PCID2: variants seen among roughly 807,000 people sequenced by gnomAD.
PCID2 encodes PCI domain containing 2.
PCID2 carries 41 observed loss-of-function variants against 61.3 expected under a neutral mutation model. The ratio of observed to expected loss-of-function variants is 0.67; its 90% CI spans 0.52 to 0.87. PCID2 has a LOEUF of 0.87. Ranked by LOEUF, PCID2 falls within the 40% of genes least tolerant of loss-of-function variation. PCID2 has a pLI of 0.00. For missense variants in PCID2, 392 were observed against 493.4 expected, an observed-to-expected ratio of 0.79 and a Z score of 1.95; for synonymous variants, 187 against 177.8, an observed-to-expected ratio of 1.05 and a Z score of -0.41.
chr13:113,192,734 A>G (rs574854683), intron 6 of PCID2, among the ~76,000 whole-genome samples: 1 of 152,308 alleles, frequency 6.6e-6, no homozygotes, highest in East Asian at 1.9e-4. Flanking sequence ...ACAGTGGTAT[A>G]TCAGCACTTG....
At chr13:113,185,807 T>C (rs1460942565) in intron 7 of PCID2, 2 of 386,552 alleles carry the variant, frequency 5.2e-6, no homozygotes, top group Non-Finnish European at 9.3e-6. Flanking sequence ...ACTACTTGAG[T>C]AACATCCTTC....
rs1205405711 is a variant in PCID2 at position 113,179,998 on chromosome 13, T to C, written c.905A>G (p.Glu302Gly). Reference protein sequence around the residue: ...LLLHEALAKHEAFFIRCGIFL... With the variant: ...LLLHEALAKHGAFFIRCGIFL... ...GATTCCGCAGCGAATGAAGAAGGCC[T>C]CGTGCTTCGCCAGCGCCTCGTGCAG... The change falls in exon 12 of 14, where the codon GAG (glutamate) becomes GGG (glycine). Residue 302 changes from glutamate (E) to glycine (G), a missense_variant. Around this residue, in one of 3 missense-constraint regions of PCID2, gnomAD observed 226 missense variants for 296.5 expected, o/e 0.76. Transcript: ENST00000337344. The surrounding 1 kb of genome is among the most constrained non-coding windows in gnomAD (Gnocchi z 4.3). 5 of 1,614,140 alleles carry C rather than the reference T, an allele frequency of 3.1e-6. No individual in the cohort carries two copies. The highest frequency in any genetic ancestry group is 4.2e-6 in the Non-Finnish European group (5 of 1,180,008).
chr13:113,189,452 G>A (rs114930559), intron 7 of PCID2, among the ~76,000 whole-genome samples: 2,594 of 151,532 alleles, frequency 0.017, 70 homozygotes, highest in African/African-American at 0.059. Flanking sequence ...AACACAAGAG[G>A]ACTAAAACAA....
intron 1 of PCID2, among the ~76,000 whole-genome samples, chr13:113,204,050 G>A (rs181699669): frequency 1.1e-3 from 175 of 152,356 alleles, no homozygotes; most frequent in Middle Eastern, 3.4e-3. Context: ...TGGCCAAGCC[G>A]TGCTCTCTTT....
At chr13:113,207,990 G>T in intron 1 of PCID2, 1 of 1,569,258 alleles carries the variant, frequency 6.4e-7, no homozygotes, top group Non-Finnish European at 8.8e-7. Context: ...ATCTTTACAA[G>T]TGTCCATCTT....
chr13:113,195,864 G>A (rs2038975499), intron 5 of PCID2, among the ~76,000 whole-genome samples: 1 of 151,970 alleles, frequency 6.6e-6, no homozygotes, highest in Non-Finnish European at 1.5e-5. Context: ...TTTTATCTAA[G>A]GTTTAAAACC....
At chr13:113,175,512 G>T (rs1028046399), downstream of PCID2, among the ~76,000 whole-genome samples, 13 of 152,174 alleles carry the variant, frequency 8.5e-5, no homozygotes, top group African/African-American at 3.1e-4. Context: ...GAGCAGCAGG[G>T]AAGATCAGAT....
intron 6 of PCID2, among the ~76,000 whole-genome samples, chr13:113,193,821 T>C (rs7329583): frequency 0.042 from 6,410 of 152,282 alleles, 427 homozygotes; most frequent in African/African-American, 0.14. Flanking sequence ...AATTGCTTGC[T>C]GAATCAAGAG....
At chr13:113,173,292 A>C (rs1718199702), downstream of PCID2, among the ~76,000 whole-genome samples, 2 of 152,366 alleles carry the variant, frequency 1.3e-5, no homozygotes, top group South Asian at 4.1e-4. Context: ...GCTGCAGTCC[A>C]GCCCCCAGTG....
At chr13:113,173,793 G>A (rs1432026612), downstream of PCID2, among the ~76,000 whole-genome samples, 1 of 152,194 alleles carries the variant, frequency 6.6e-6, no homozygotes, top group Non-Finnish European at 1.5e-5. Flanking sequence ...GTAAGTCACT[G>A]CTTTAAATGC....
chr13:113,198,634 G>C (rs1025999586), intron 2 of PCID2, among the ~76,000 whole-genome samples: 1 of 152,208 alleles, frequency 6.6e-6, no homozygotes, highest in Non-Finnish European at 1.5e-5. Flanking sequence ...GAACATGGGT[G>C]GGGGAGGTTG....
intron 13 of PCID2, among the ~76,000 whole-genome samples, chr13:113,178,729 GA>G (rs1321433707): frequency 2.0e-5 from 3 of 152,170 alleles, no homozygotes; most frequent in Non-Finnish European, 4.4e-5. Context: ...GGGGGTTGGA[GA>G]ATCGACAGAT....
rs61235868 is a variant in PCID2 at position 113,208,411 on chromosome 13, G to A, written c.36+188C>T. 1.2e-3 allele frequency: 1,814 copies of A among 1,481,782 alleles called. 25 individuals are homozygous for A. In the African/African-American group the frequency reaches 0.023, roughly 18 times the overall value. 91.8% of individuals were successfully genotyped at this position (1,481,782 alleles called of 1,614,324 possible). A position where few individuals can be genotyped will look rare whatever the true frequency, so the allele number is the denominator to read the frequency against. On this transcript the variant is annotated intron_variant, in intron 1 of 13. Transcript: ENST00000337344. ...GCCCCCACGGCGGCCCTGCAGGGGA[G>A]AACTCGGGCCGCCTTCCCGAGTCCC...
At chr13:113,174,703 C>T (rs145952680), downstream of PCID2, among the ~76,000 whole-genome samples, 15 of 152,256 alleles carry the variant, frequency 9.9e-5, no homozygotes, top group African/African-American at 3.1e-4. Context: ...AGGCTGGTCT[C>T]GAACTCCAGG....
the PCID2 span, chr13:113,171,668 G>A: frequency 3.7e-6 from 6 of 1,613,978 alleles, no homozygotes; most frequent in South Asian, 4.4e-5. The surrounding 1 kb of genome is among the most constrained non-coding windows in gnomAD (Gnocchi z 5.1). Flanking sequence ...GTATGACGCG[G>A]ACGCGGGGGA....
intron 7 of PCID2, chr13:113,186,234 T>G (rs1402930514): frequency 6.6e-6 from 1 of 152,394 alleles, no homozygotes; most frequent in African/African-American, 2.4e-5. Flanking sequence ...CTGCCCCACA[T>G]GAGGGATGAG....
At position 113,179,887 on chromosome 13, in the gene PCID2, G is replaced by T; in HGVS notation, c.986+30C>A. 1 of 1,600,920 alleles carries T rather than the reference G, an allele frequency of 6.2e-7. No homozygotes were observed. Among genetic ancestry groups the T allele is most frequent in the East Asian group, 2.2e-5 (1 of 44,486 alleles). On this transcript the variant is annotated intron_variant, in intron 12 of 13. Transcript: ENST00000337344. This position sits in a 1 kb window ranked among gnomAD's most constrained non-coding sequence, Gnocchi z 4.3. The stretch of plus-strand genomic sequence containing the variant: ...TGACTGCTCTGCCGAGAGCCACACT[G>T]GGAGCCCAATGTGCCGGGGAAATGC...
chr13:113,180,074 G>C (rs1222187016), intron 11 of PCID2, 32 bp from the exon 12 acceptor site: 1 of 1,613,608 alleles, frequency 6.2e-7, no homozygotes, highest in Admixed American at 1.7e-5. Context: ...CAGAAGGAGG[G>C]TGAGTTTCTC....
intron 6 of PCID2, among the ~76,000 whole-genome samples, chr13:113,193,801 G>C (rs1278603108): frequency 6.6e-6 from 1 of 152,006 alleles, no homozygotes; most frequent in Non-Finnish European, 1.5e-5. Context: ...TTTGTTTCAA[G>C]CATGTTCTAA....
Sources: gnomAD v4.1 joint callset for allele counts (sites outside exome capture counted in the v4.1 genomes callset) on GRCh38, gnomAD v4.1.1 for gene constraint, gnomAD v4.1.1 regional missense constraint, Gnocchi (gnomAD v3.1) non-coding constraint, MANE v1.5 for transcripts, NCBI Gene and HGNC (gene_info 2026-07-23, HGNC 2026-07-21) for gene names.